KANK1: variants seen among roughly 807,000 people sequenced by gnomAD.
KANK1 encodes the protein KN motif and ankyrin repeat domains 1.
In KANK1, 109 loss-of-function variants were observed where a neutral mutation model predicts 106.2. That is an observed-to-expected ratio of 1.03 (90% CI 0.88 to 1.20). The LOEUF is 1.20. Ranked by LOEUF, KANK1 falls within the 50% of genes most tolerant of loss-of-function variation. KANK1 has a pLI of 0.00. For missense variants in KANK1, 2,399 were observed against 1,710.7 expected, an observed-to-expected ratio of 1.40 and a Z score of -7.10; for synonymous variants, 873 against 652.2, an observed-to-expected ratio of 1.34 and a Z score of -5.16.
chr9:679,394 C>T (rs1435044700), intron 2 of KANK1, among the ~76,000 whole-genome samples: 1 of 151,348 alleles, frequency 6.6e-6, no homozygotes, highest in East Asian at 1.9e-4. Flanking sequence ...GTGTGTACAC[C>T]ATATATATGA....
chr9:559,723 T>C (rs1815882903), intron 1 of KANK1, among the ~76,000 whole-genome samples: 1 of 152,176 alleles, frequency 6.6e-6, no homozygotes, highest in Non-Finnish European at 1.5e-5. Flanking sequence ...ACATAGGGAA[T>C]GAGAGATTTT....
At chr9:733,475 T>A (rs190327567) in intron 6 of KANK1, 1 of 152,352 alleles carries the variant, frequency 6.6e-6, no homozygotes, top group Non-Finnish European at 1.5e-5. Context: ...GGTTAAACAC[T>A]TGAGTCACCA....
At chr9:641,380 A>G (rs1194534844) in intron 1 of KANK1, among the ~76,000 whole-genome samples, 1 of 152,198 alleles carries the variant, frequency 6.6e-6, no homozygotes, top group African/African-American at 2.4e-5. Context: ...GGTCATTGGA[A>G]GGAAAGTAGA....
At chr9:642,172 C>T (rs1367685982) in intron 1 of KANK1, among the ~76,000 whole-genome samples, 2 of 151,484 alleles carry the variant, frequency 1.3e-5, no homozygotes, top group African/African-American at 4.9e-5. Context: ...ACGGCAGATG[C>T]TGGGCTTTTT....
chr9:702,521 G>T (rs1822942909), intron 2 of KANK1, among the ~76,000 whole-genome samples: 1 of 152,094 alleles, frequency 6.6e-6, no homozygotes, highest in African/African-American at 2.4e-5. Flanking sequence ...GAGAGACAGA[G>T]ACAGAAAGCA....
intron 2 of KANK1, among the ~76,000 whole-genome samples, chr9:700,346 C>G (rs140901468): frequency 1.3e-5 from 2 of 152,290 alleles, no homozygotes; most frequent in East Asian, 3.9e-4. Flanking sequence ...GCTGCTGGGT[C>G]TCAAAGAGCT....
chr9:550,376 G>A (rs1208594927), intron 1 of KANK1, among the ~76,000 whole-genome samples: 5 of 152,054 alleles, frequency 3.3e-5, no homozygotes, highest in East Asian at 3.9e-4. Flanking sequence ...CCCTGCATCC[G>A]TACATGAAGC....
At chr9:737,824 C>A (rs117872463) in intron 7 of KANK1, among the ~76,000 whole-genome samples, 1 of 152,152 alleles carries the variant, frequency 6.6e-6, no homozygotes, top group African/African-American at 2.4e-5. Context: ...TTCCTAATTT[C>A]TATGAAAATT....
At chr9:544,004 T>C (rs2060775134) in intron 1 of KANK1, among the ~76,000 whole-genome samples, 1 of 151,814 alleles carries the variant, frequency 6.6e-6, no homozygotes, top group South Asian at 2.1e-4. Flanking sequence ...TCATGTTCTA[T>C]TTTATTTTAT....
At chr9:622,535 G>A (rs1268911266) in intron 1 of KANK1, among the ~76,000 whole-genome samples, 1 of 152,094 alleles carries the variant, frequency 6.6e-6, no homozygotes, top group Non-Finnish European at 1.5e-5. Context: ...TGGGAAAACT[G>A]GATATCCACC....
At chr9:647,999 CTTTTT>C (rs59053892) in intron 1 of KANK1, among the ~76,000 whole-genome samples, 1 of 118,330 alleles carries the variant, frequency 8.5e-6, no homozygotes, top group Non-Finnish European at 1.7e-5. Context: ...GGGTTGTTAT[CTTTTT>C]TTTTTTTTTT....
At chr9:504,026 G>A (rs1476595355), upstream of KANK1, among the ~76,000 whole-genome samples, 1 of 152,198 alleles carries the variant, frequency 6.6e-6, no homozygotes, top group Non-Finnish European at 1.5e-5. Flanking sequence ...CTTGGAGGCG[G>A]GAGGTTTCTG....
At chr9:595,335 T>C (rs1276926403) in intron 1 of KANK1, among the ~76,000 whole-genome samples, 1 of 151,802 alleles carries the variant, frequency 6.6e-6, no homozygotes, top group South Asian at 2.1e-4. Flanking sequence ...TGAAAAGTGC[T>C]CTTTCTGGTG....
intron 1 of KANK1, among the ~76,000 whole-genome samples, chr9:665,264 C>T (rs1027947045): frequency 6.6e-6 from 1 of 152,082 alleles, no homozygotes; most frequent in African/African-American, 2.4e-5. Flanking sequence ...TGGAGCATTT[C>T]CCCAATGTTT....
At chr9:671,389 T>TA (rs1845868143) in intron 1 of KANK1, among the ~76,000 whole-genome samples, 1 of 151,914 alleles carries the variant, frequency 6.6e-6, no homozygotes, top group African/African-American at 2.4e-5. Context: ...CTCACACCTG[T>TA]AATCCCAGCC....
At chr9:501,958 T>C (rs183825541), upstream of KANK1, among the ~76,000 whole-genome samples, 5 of 152,362 alleles carry the variant, frequency 3.3e-5, no homozygotes, top group East Asian at 7.7e-4. Flanking sequence ...TATTCAAAGA[T>C]TGTTCTTTTG....
chr9:502,606 C>G (rs1364095174), upstream of KANK1, among the ~76,000 whole-genome samples: 2 of 151,774 alleles, frequency 1.3e-5, no homozygotes, highest in Non-Finnish European at 2.9e-5. Context: ...TCACTGCAAC[C>G]TCAGCTTCCC....
chr9:655,075 C>G (rs1841821461), intron 1 of KANK1, among the ~76,000 whole-genome samples: 1 of 152,096 alleles, frequency 6.6e-6, no homozygotes, highest in African/African-American at 2.4e-5. Flanking sequence ...GACAGTAATT[C>G]TAATAATCAT....
intron 1 of KANK1, among the ~76,000 whole-genome samples, chr9:654,813 G>A (rs1303644666): frequency 6.5e-5 from 2 of 30,636 alleles, no homozygotes; most frequent in Admixed American, 4.9e-4. Context: ...GTGTGTGTGT[G>A]TGAGAGAGAG....
Sources: allele counts gnomAD v4.1 joint callset (sites outside exome capture counted in the v4.1 genomes callset), GRCh38; gene constraint gnomAD v4.1.1; transcripts MANE v1.5; gene names NCBI Gene and HGNC (gene_info 2026-07-23, HGNC 2026-07-21).